SCAPER: variants seen among roughly 807,000 people sequenced by gnomAD.
SCAPER encodes the protein S-phase cyclin A associated protein in the ER.
Under a neutral mutation model 182.2 loss-of-function variants are expected in SCAPER, and 98 were observed. The observed-to-expected ratio is 0.54, with a 90% CI of 0.46 to 0.64. The LOEUF (loss-of-function observed/expected upper bound fraction) is 0.64. SCAPER is among the 30% of genes least tolerant of loss of function. The probability of loss-of-function intolerance (pLI) is 0.00; values close to 1 mark genes in which losing one functional copy is unlikely to be tolerated. For missense variants in SCAPER, 1,432 were observed against 1,690.0 expected (o/e 0.85, Z 2.68); for synonymous variants, 605 against 564.6 (o/e 1.07, Z -1.01).
At chr15:76,417,073 A>G (rs1210108204) in intron 26 of SCAPER, among the ~76,000 whole-genome samples, 1 of 152,164 alleles carries the variant, frequency 6.6e-6, no homozygotes, top group Non-Finnish European at 1.5e-5. Context: ...CTCTAAAAAA[A>G]TAAAAAATAA....
At chr15:76,833,015 T>C (rs948870694) in intron 5 of SCAPER, among the ~76,000 whole-genome samples, 1 of 152,116 alleles carries the variant, frequency 6.6e-6, no homozygotes, top group Non-Finnish European at 1.5e-5. Flanking sequence ...CACATCAACA[T>C]GCAAATTCAG....
chr15:76,734,208 T>C (rs1192668908), intron 15 of SCAPER, among the ~76,000 whole-genome samples: 1 of 152,218 alleles, frequency 6.6e-6, no homozygotes, highest in Non-Finnish European at 1.5e-5. Flanking sequence ...TTCACATATA[T>C]TGATCCTTAA....
chr15:76,354,121 C>T lies in SCAPER; in HGVS notation c.3875G>A (p.Arg1292His), dbSNP rs752906897. ...PDNQVIVQSG[R>H]HPTVLQKLCQ... is the part of the protein sequence containing the mutation. ...GAGCTTCTGCAGCACTGTGGGGTGG[C>T]GGCCGGACTGCACGATCACCTGAAA... Residue 1292 changes from arginine (R) to histidine (H), a missense_variant, in exon 30 of 32, where the codon CGC becomes CAC. Arg to His is a conservative substitution (Grantham distance 29, BLOSUM62 0). Coordinates refer to ENST00000563290, the MANE Select transcript of SCAPER (RefSeq NM_020843.4). This position sits in a 1 kb window ranked among gnomAD's most constrained non-coding sequence, Gnocchi z 4.4. The T allele has an allele frequency of 3.7e-5, 59 of 1,605,698 alleles. No individual in the cohort carries two copies. Among genetic ancestry groups the T allele is most frequent in the Non-Finnish European group, 4.1e-5 (48 of 1,177,294 alleles).
chr15:76,724,477 T>G (rs915913461), intron 17 of SCAPER, among the ~76,000 whole-genome samples: 1 of 152,208 alleles, frequency 6.6e-6, no homozygotes, highest in Non-Finnish European at 1.5e-5. Flanking sequence ...TGGCCTGCCT[T>G]GCTGGATTGG....
intron 2 of SCAPER, among the ~76,000 whole-genome samples, chr15:76,864,155 T>C (rs1207189026): frequency 6.6e-6 from 1 of 152,218 alleles, no homozygotes; most frequent in Admixed American, 6.5e-5. Context: ...CACCTGGATC[T>C]ATTTCTATAC....
chr15:76,782,740 C>T (rs1310440042), intron 8 of SCAPER, among the ~76,000 whole-genome samples: 1 of 152,148 alleles, frequency 6.6e-6, no homozygotes, highest in African/African-American at 2.4e-5. Flanking sequence ...CTCAAAACCT[C>T]ACAACTACAT....
At chr15:76,524,691 T>G (rs2043063819) in intron 23 of SCAPER, among the ~76,000 whole-genome samples, 1 of 25,926 alleles carries the variant, frequency 3.9e-5, no homozygotes, top group South Asian at 2.1e-3. Context: ...TTTGTTCTGT[T>G]TTTTTTTTTT....
intron 21 of SCAPER, among the ~76,000 whole-genome samples, chr15:76,629,081 T>C (rs1209522735): frequency 6.6e-6 from 1 of 152,232 alleles, no homozygotes; most frequent in African/African-American, 2.4e-5. Flanking sequence ...CTAATGTTGG[T>C]GTATAGGAAC....
intron 14 of SCAPER, among the ~76,000 whole-genome samples, chr15:76,760,585 T>C (rs2151242949): frequency 6.6e-6 from 1 of 152,214 alleles, no homozygotes; most frequent in Middle Eastern, 3.4e-3. Context: ...AACCTGGAGG[T>C]TGAAGTTCTG....
At chr15:76,550,172 A>G (rs2045638714) in intron 23 of SCAPER, among the ~76,000 whole-genome samples, 1 of 152,176 alleles carries the variant, frequency 6.6e-6, no homozygotes, top group African/African-American at 2.4e-5. Flanking sequence ...AAAGATCTGA[A>G]CAGACATTTC....
rs189608722 is a variant in SCAPER, at chr15:76,557,923, T to C, written c.2838+16235A>G. Reference sequence around the variant, plus strand: ...TAAAGGATTCCTGTGCAATAAACGGTGCTGTGACAACTGGCTAGCCATATG... The same window carrying C: ...TAAAGGATTCCTGTGCAATAAACGGCGCTGTGACAACTGGCTAGCCATATG... On this transcript the variant is annotated intron_variant, in intron 23 of 31. Coordinates refer to ENST00000563290, the MANE Select transcript of SCAPER (RefSeq NM_020843.4). Among the ~76,000 whole-genome samples, 640 of 152,168 alleles carry C rather than the reference T, an allele frequency of 4.2e-3. 7 individuals carry two copies. Among genetic ancestry groups the C allele is most frequent in the African/African-American group, 0.015 (616 of 41,504 alleles).
intron 8 of SCAPER, among the ~76,000 whole-genome samples, chr15:76,775,447 A>C (rs767893718): frequency 2.6e-5 from 4 of 152,150 alleles, no homozygotes; most frequent in Admixed American, 6.5e-5. Flanking sequence ...CTTCACAATA[A>C]TCCTATAAGA....
At chr15:76,432,801 T>G (rs1179282083) in intron 26 of SCAPER, among the ~76,000 whole-genome samples, 1 of 152,242 alleles carries the variant, frequency 6.6e-6, no homozygotes, top group African/African-American at 2.4e-5. Flanking sequence ...GGAGTCCAGC[T>G]AGACATGAAT....
Position 76,905,257 on chromosome 15 carries a change from C to A in SCAPER, c.-60+42G>T, listed in dbSNP as rs190382657. 3.1e-5 allele frequency: 6 copies of A among 196,188 alleles called. No individual in the cohort carries two copies. In the Middle Eastern group the frequency reaches 1.5e-3, roughly 49 times the overall value. The allele number at this position is 196,188 out of a possible 1,614,324, so 12.2% of individuals were successfully genotyped here. ...AGACGGCCCGCGCCCCAACCCGGAC[C>A]CGCCCGGGTCTGCGCTACGCACGCC... On this transcript the variant is annotated intron_variant, in intron 1 of 31. Transcript: ENST00000563290.
Position 76,766,346 on chromosome 15 carries a change from C to T in SCAPER, c.1419+572G>A, listed in dbSNP as rs887815573. On this transcript the variant is annotated intron_variant, in intron 11 of 31. Transcript: ENST00000563290. ...TCCTCACCTTGTGATCCACCTGATTCGGCCTCCCAAAGTGCTAGGATTACA... is the reference window on the plus strand; with the variant it reads ...TCCTCACCTTGTGATCCACCTGATTTGGCCTCCCAAAGTGCTAGGATTACA... Among the ~76,000 whole-genome samples the T allele has an allele frequency of 9.2e-5, 14 of 152,230 alleles. 1 individual carries two copies. Among genetic ancestry groups the T allele is most frequent in the African/African-American group, 3.1e-4 (13 of 41,530 alleles).
intron 8 of SCAPER, among the ~76,000 whole-genome samples, chr15:76,783,820 G>A (rs141565641): frequency 6.6e-6 from 1 of 152,174 alleles, no homozygotes; most frequent in Non-Finnish European, 1.5e-5. Flanking sequence ...AAAGGCCTTT[G>A]ACAAAATTCA....
At chr15:76,654,783 CTT>C (rs1258824884) in intron 21 of SCAPER, among the ~76,000 whole-genome samples, 2 of 152,206 alleles carry the variant, frequency 1.3e-5, no homozygotes, top group African/African-American at 4.8e-5. Context: ...GTGGCTTACT[CTT>C]TTACAATTTT....
chr15:76,535,968 A>T (rs2044125711), intron 23 of SCAPER, among the ~76,000 whole-genome samples: 1 of 152,178 alleles, frequency 6.6e-6, no homozygotes, highest in South Asian at 2.1e-4. Flanking sequence ...ATGTTACTTA[A>T]ATTTTAACAT....
At chr15:76,697,363 C>T (rs985939637) in intron 20 of SCAPER, among the ~76,000 whole-genome samples, 1 of 152,064 alleles carries the variant, frequency 6.6e-6, no homozygotes, top group Non-Finnish European at 1.5e-5. Context: ...AATTTAATTC[C>T]TTCAAACTGA....
Sources: gnomAD v4.1 joint callset for allele counts (sites outside exome capture counted in the v4.1 genomes callset) on GRCh38, gnomAD v4.1.1 for gene constraint, Gnocchi (gnomAD v3.1) non-coding constraint, MANE v1.5 for transcripts, NCBI Gene and HGNC (gene_info 2026-07-23, HGNC 2026-07-21) for gene names.